PLD1: variants seen among roughly 807,000 people sequenced by gnomAD.
The protein encoded by PLD1 is choline phosphatase 1.
A neutral mutation model predicts 137.1 loss-of-function variants in PLD1; 112 were observed. The observed-to-expected ratio is 0.82, with a 90% confidence interval of 0.70 to 0.96. The LOEUF is 0.96. Ranked by LOEUF, PLD1 falls within the 40% of genes least tolerant of loss-of-function variation. The pLI is 0.00. For synonymous variants in PLD1, 431 were observed against 454.7 expected, an observed-to-expected ratio of 0.95 and a Z score of 0.66; for missense variants, 1,321 against 1,342.0, an observed-to-expected ratio of 0.98 and a Z score of 0.24.
intron 8 of PLD1, among the ~76,000 whole-genome samples, chr3:171,717,740 C>A (rs1160720082): frequency 1.3e-5 from 2 of 152,212 alleles, no homozygotes. Flanking sequence ...CCTCATTGCT[C>A]TGGCCAGGAC....
chr3:171,699,810 A>T lies in PLD1; in HGVS notation c.1162T>A (p.Phe388Ile), dbSNP rs755191534. Residue 388 changes from phenylalanine (F) to isoleucine (I), a missense_variant, in exon 12 of 27, where the codon TTC (phenylalanine) becomes ATC (isoleucine). Transcript: ENST00000351298. ...CCCTCAACCACTGGGCGTTTCAGGA[A>T]GATTTCTGGACTCAGCCTGAAACAA... ...ITDWWLSPEIFLKRPVVEGNR... is the reference protein window; with the variant it reads ...ITDWWLSPEIILKRPVVEGNR... 8 of 1,613,612 alleles carry T rather than the reference A, an allele frequency of 5.0e-6. No individual in the cohort carries two copies. In the African/African-American group the frequency reaches 9.3e-5, roughly 19 times the overall value.
At chr3:171,727,330 A>G (rs1174963092) in intron 6 of PLD1, among the ~76,000 whole-genome samples, 1 of 152,220 alleles carries the variant, frequency 6.6e-6, no homozygotes, top group Non-Finnish European at 1.5e-5. Flanking sequence ...CTCAAAACCA[A>G]GCTGGAAGAG....
chr3:171,808,539 A>AAATAAT (rs532441752), intron 1 of PLD1, among the ~76,000 whole-genome samples: 2 of 151,878 alleles, frequency 1.3e-5, no homozygotes, highest in African/African-American at 4.8e-5. Context: ...CCGTCTCAAA[A>AAATAAT]AATAATAATA....
intron 23 of PLD1, 110 bp from the exon 24 acceptor site, chr3:171,620,630 G>T: frequency 4.1e-6 from 2 of 489,602 alleles, no homozygotes; most frequent in Non-Finnish European, 3.5e-6. Flanking sequence ...AGAATAGATT[G>T]TATATTATAT....
At chr3:171,624,660 G>A (rs562061775) in intron 23 of PLD1, among the ~76,000 whole-genome samples, 3 of 152,050 alleles carry the variant, frequency 2.0e-5, no homozygotes, top group Non-Finnish European at 4.4e-5. Context: ...TCATAACACA[G>A]TGATTGAATA....
intron 12 of PLD1, among the ~76,000 whole-genome samples, chr3:171,697,251 T>A (rs972535014): frequency 6.8e-6 from 1 of 147,040 alleles, no homozygotes; most frequent in African/African-American, 2.5e-5. Flanking sequence ...TTTTTTTTTT[T>A]TTTTTTTTTT....
chr3:171,718,684 G>A (rs951349044), intron 8 of PLD1, among the ~76,000 whole-genome samples: 1 of 152,142 alleles, frequency 6.6e-6, no homozygotes, highest in Non-Finnish European at 1.5e-5. Context: ...CCTGAAGTCA[G>A]CCTCCCTGGG....
At chr3:171,735,712 T>C (rs1427083646) in intron 3 of PLD1, 75 bp from the exon 4 acceptor site, 1 of 781,396 alleles carries the variant, frequency 1.3e-6, no homozygotes, top group Admixed American at 2.1e-5. Flanking sequence ...GAACAATATT[T>C]AACTAGTAAC....
Position 171,620,403 on chromosome 3 carries a change from T to A in PLD1, c.2711A>T (p.Asp904Val). 1 of 1,597,394 alleles carries A rather than the reference T, an allele frequency of 6.3e-7. No individual in the cohort carries two copies. Among genetic ancestry groups the A allele is most frequent in the Non-Finnish European group, 8.6e-7 (1 of 1,167,986 alleles). Residue 904 changes from aspartate (D) to valine (V), a missense_variant, in exon 24 of 27, where the codon GAT becomes GTT. Asp to Val is a radical substitution (Grantham distance 152, BLOSUM62 -3). Coordinates refer to ENST00000351298, the MANE Select transcript of PLD1 (RefSeq NM_002662.5). ...GTACTTACCAATAATAACAGTGTTA[T>A]CATCAGCAATTAACAACTTGCTGTG... ...YVHSKLLIAD[D>V]NTVIIGSANI... is the part of the protein sequence containing the mutation.
chr3:171,656,080 A>G (rs914271392), intron 21 of PLD1, among the ~76,000 whole-genome samples: 1 of 152,204 alleles, frequency 6.6e-6, no homozygotes. Flanking sequence ...TCCTTTCAGG[A>G]GCAGCTCATA....
At chr3:171,722,829 A>G (rs539584812) in intron 8 of PLD1, among the ~76,000 whole-genome samples, 2 of 152,250 alleles carry the variant, frequency 1.3e-5, no homozygotes, top group South Asian at 4.1e-4. Context: ...CTCCATGACC[A>G]TGAATGGTCT....
intron 25 of PLD1, among the ~76,000 whole-genome samples, chr3:171,608,848 T>C (rs962524650): frequency 6.6e-5 from 10 of 152,024 alleles, no homozygotes; most frequent in African/African-American, 2.4e-4. Context: ...AGGAAGCTAT[T>C]CTAAGCATAC....
chr3:171,784,871 T>C (rs1294141318), intron 1 of PLD1, among the ~76,000 whole-genome samples: 1 of 152,254 alleles, frequency 6.6e-6, no homozygotes, highest in Non-Finnish European at 1.5e-5. Flanking sequence ...TATTTGAATC[T>C]GGATCTCCAT....
chr3:171,605,392 G>A lies in PLD1; in HGVS notation c.2907C>T (p.Asp969=), dbSNP rs887702347. ...CTGGATCCTGAATGTCCTCACTTGG[G>A]TCATCAAGATAGCCAAGGACAACCC... is the stretch of plus-strand genomic sequence containing the variant. ...CFRVVLGYLD[D]PSEDIQDPVS... Residue 969 remains aspartate (D), a synonymous_variant, in exon 26 of 27, where the codon GAC becomes GAT. Coordinates refer to ENST00000351298, the MANE Select transcript of PLD1 (RefSeq NM_002662.5). The A allele has an allele frequency of 1.9e-6, 3 of 1,612,734 alleles. No individual in the cohort carries two copies. Among genetic ancestry groups the A allele is most frequent in the African/African-American group, 2.7e-5 (2 of 74,856 alleles).
chr3:171,748,548 G>T (rs933392996), intron 1 of PLD1, among the ~76,000 whole-genome samples: 1 of 152,024 alleles, frequency 6.6e-6, no homozygotes, highest in Non-Finnish European at 1.5e-5. Flanking sequence ...AATGGATCTG[G>T]CAAACTCACA....
At chr3:171,713,507 G>A (rs944930523) in intron 9 of PLD1, among the ~76,000 whole-genome samples, 2 of 152,188 alleles carry the variant, frequency 1.3e-5, no homozygotes, top group African/African-American at 4.8e-5. Context: ...CTTAAAATAT[G>A]TGTGTAACAA....
intron 21 of PLD1, among the ~76,000 whole-genome samples, chr3:171,651,080 G>C (rs529785962): frequency 6.6e-6 from 1 of 152,066 alleles, no homozygotes; most frequent in African/African-American, 2.4e-5. Context: ...TCCCTCCTCA[G>C]CATGAAGGAC....
intron 23 of PLD1, among the ~76,000 whole-genome samples, chr3:171,628,599 G>T (rs1298782942): frequency 1.3e-5 from 2 of 151,902 alleles, no homozygotes; most frequent in African/African-American, 2.4e-5. Context: ...GAACATTGAT[G>T]CAAAAATCCT....
At chr3:171,666,903 C>T (rs1712207163) in intron 19 of PLD1, among the ~76,000 whole-genome samples, 1 of 152,072 alleles carries the variant, frequency 6.6e-6, no homozygotes, top group South Asian at 2.1e-4. Context: ...ATTTTTTAAC[C>T]TAAAATATAG....
Sources: gnomAD v4.1 joint callset for allele counts (sites outside exome capture counted in the v4.1 genomes callset) on GRCh38, gnomAD v4.1.1 for gene constraint, MANE v1.5 for transcripts, NCBI Gene and HGNC (gene_info 2026-07-23, HGNC 2026-07-21) for gene names.